LRRD1: variants seen among roughly 807,000 people sequenced by gnomAD.
The protein encoded by LRRD1 is leucine rich repeats and death domain containing 1, also known as leucine-rich repeat and death domain-containing protein 1.
LRRD1 carries 49 observed loss-of-function variants against 69.5 expected under a neutral mutation model. The ratio of observed to expected loss-of-function variants is 0.70; its 90% confidence interval spans 0.56 to 0.89. The LOEUF (loss-of-function observed/expected upper bound fraction) is 0.89, where lower values mean the gene tolerates loss of function less well. LRRD1 is among the 40% of genes least tolerant of loss of function. The probability of loss-of-function intolerance (pLI) is 0.00; values close to 1 mark genes in which losing one functional copy is unlikely to be tolerated. For synonymous variants in LRRD1, 303 were observed against 338.9 expected, an observed-to-expected ratio of 0.89 and a Z score of 1.16; for missense variants, 853 against 956.0, an observed-to-expected ratio of 0.89 and a Z score of 1.42.
Position 92,163,493 on chromosome 7 carries a change from A to G in LRRD1, c.1710T>C (p.Thr570=), listed in dbSNP as rs1281473227. ...VLILCCNKFE[T]FPRELCTLEN... ...CTAAAGTACACAATTCTCTAGGGAA[A>G]GTTTCAAATTTATTACAGCATAAAA... Residue 570 remains threonine, a synonymous_variant, in exon 2 of 6, where the codon ACT becomes ACC. Coordinates refer to ENST00000458448, the MANE Select transcript of LRRD1 (RefSeq NM_001161528.2). The G allele has an allele frequency of 6.5e-7, 1 of 1,527,240 alleles. No homozygotes were observed. Among genetic ancestry groups the G allele is most frequent in the South Asian group, 1.2e-5 (1 of 80,496 alleles). 94.6% of individuals were successfully genotyped at this position (1,527,240 alleles called of 1,614,324 possible).
chr7:92,144,068 GACAGACAAGACA>G (rs1236818976), downstream of LRRD1, among the ~76,000 whole-genome samples: 1 of 152,266 alleles, frequency 6.6e-6, no homozygotes, highest in East Asian at 1.9e-4. Context: ...AGGCTCACAT[GACAGACAAGACA>G]ACAGATGGCC....
At chr7:92,152,517 T>C (rs1820497068) in intron 3 of LRRD1, among the ~76,000 whole-genome samples, 1 of 152,162 alleles carries the variant, frequency 6.6e-6, no homozygotes, top group Non-Finnish European at 1.5e-5. Flanking sequence ...GTGAGATTGA[T>C]GGTTTGTATG....
At chr7:92,142,420 A>G (rs1318793717), downstream of LRRD1, 1 of 456,594 alleles carries the variant, frequency 2.2e-6, no homozygotes, top group Non-Finnish European at 4.4e-6. Flanking sequence ...AGACTACTAC[A>G]CACTGTGCAT....
intron 3 of LRRD1, among the ~76,000 whole-genome samples, chr7:92,157,606 G>A (rs1788692392): frequency 6.6e-6 from 1 of 150,802 alleles, no homozygotes; most frequent in Non-Finnish European, 1.5e-5. Context: ...GTCTCACTCT[G>A]TCGCCCAGGC....
intron 1 of LRRD1, among the ~76,000 whole-genome samples, chr7:92,177,858 T>C (rs181162935): frequency 1.4e-3 from 209 of 152,280 alleles, no homozygotes; most frequent in African/African-American, 4.8e-3. Context: ...AGAAAGGGTG[T>C]TATTCTTTAA....
chr7:92,163,620 T>G lies in LRRD1; in HGVS notation c.1583A>C (p.His528Pro). 6.6e-7 allele frequency: 1 copy of G among 1,518,242 alleles called. No homozygotes were observed. Among genetic ancestry groups the G allele is most frequent in the Non-Finnish European group, 8.8e-7 (1 of 1,136,690 alleles). 94.0% of individuals were successfully genotyped at this position (1,518,242 alleles called of 1,614,324 possible). Residue 528 changes from histidine to proline, a missense_variant, in exon 2 of 6, where the codon CAC becomes CCC. His to Pro is a moderately conservative substitution (Grantham distance 77). Transcript: ENST00000458448. ...SENKLLIFSEHFCSLINLKYL... is the reference protein window; with the variant it reads ...SENKLLIFSEPFCSLINLKYL... ...TTTAAGATTAATAAGAGAACAAAAG[T>G]GCTCAGAAAATATGAGGAGTTTGTT...
intron 3 of LRRD1, among the ~76,000 whole-genome samples, chr7:92,155,099 T>C (rs148894754): frequency 1.3e-5 from 2 of 152,342 alleles, no homozygotes; most frequent in East Asian, 1.9e-4. Context: ...TATGATTCTT[T>C]TCTTTCCAAG....
chr7:92,171,154 A>T (rs1443708424), intron 1 of LRRD1, among the ~76,000 whole-genome samples: 1 of 152,148 alleles, frequency 6.6e-6, no homozygotes, highest in African/African-American at 2.4e-5. Flanking sequence ...GAACAAACCA[A>T]ATTAAAATTA....
At chr7:92,158,395 G>GTGTATATATGTGTATATA (rs995954911) in intron 3 of LRRD1, among the ~76,000 whole-genome samples, 1 of 149,092 alleles carries the variant, frequency 6.7e-6, no homozygotes, top group Non-Finnish European at 1.5e-5. Context: ...AAATATATAT[G>GTGTATATATGTGTATATA]TGTATATATG....
At chr7:92,175,115 C>T (rs1253939335) in intron 1 of LRRD1, among the ~76,000 whole-genome samples, 1 of 151,972 alleles carries the variant, frequency 6.6e-6, no homozygotes, top group Non-Finnish European at 1.5e-5. Context: ...AATGTGTGTC[C>T]ATATTATCTC....
chr7:92,152,570 C>T (rs1430513715), intron 3 of LRRD1, among the ~76,000 whole-genome samples: 1 of 151,990 alleles, frequency 6.6e-6, no homozygotes, highest in Non-Finnish European at 1.5e-5. Context: ...CCAAACTTTT[C>T]TAAAGGGTTG....
At chr7:92,147,923 T>C (rs1820369042) in intron 4 of LRRD1, among the ~76,000 whole-genome samples, 1 of 152,060 alleles carries the variant, frequency 6.6e-6, no homozygotes, top group African/African-American at 2.4e-5. Flanking sequence ...TTTTTATTTA[T>C]TTACTTATTT....
rs996296470 is a variant in LRRD1, at chr7:92,150,672, T to C, written c.2140A>G (p.Ser714Gly). ...AGTGAAAAAATATTGTAGATAGCAC[T>C]AGGTAGAGCTGTCAGATTATTTCCT... ...LSGNNLTALP[S>G]AIYNIFSLKE... Residue 714 changes from serine to glycine, a missense_variant, in exon 4 of 6, where the codon AGT becomes GGT. Coordinates refer to ENST00000458448, the MANE Select transcript of LRRD1 (RefSeq NM_001161528.2). The C allele has an allele frequency of 1.3e-6, 2 of 1,542,224 alleles. No homozygotes were observed. Among genetic ancestry groups the C allele is most frequent in the African/African-American group, 1.4e-5 (1 of 72,626 alleles).
At chr7:92,170,888 CAAGAGGAACCTTG>C (rs1789043373) in intron 1 of LRRD1, among the ~76,000 whole-genome samples, 1 of 152,216 alleles carries the variant, frequency 6.6e-6, no homozygotes, top group East Asian at 1.9e-4. Context: ...AAATCAATAT[CAAGAGGAACCTTG>C]GAAATTACAC....
rs117955166 is a variant in LRRD1, at chr7:92,169,833, G to C, written c.-74-4557C>G. ...CTTGTAATCCCAGCACTTTTGGGAG[G>C]TGGAGGCAGGAGGATTGCTTGAGGC... is the stretch of plus-strand genomic sequence containing the variant. On this transcript the variant is annotated intron_variant, in intron 1 of 5. Transcript: ENST00000458448. Among the ~76,000 whole-genome samples the C allele has an allele frequency of 5.7e-3, 871 of 152,050 alleles. 3 individuals carry two copies. The highest frequency in any genetic ancestry group is 8.8e-3 in the Non-Finnish European group (599 of 67,998).
intron 3 of LRRD1, among the ~76,000 whole-genome samples, chr7:92,156,059 C>T (rs1192001002): frequency 6.6e-6 from 1 of 152,214 alleles, no homozygotes; most frequent in East Asian, 1.9e-4. Flanking sequence ...CTCACAGACA[C>T]ATGCAGGAAC....
At chr7:92,142,928 G>C (rs566256735), downstream of LRRD1, 1 of 306,082 alleles carries the variant, frequency 3.3e-6, no homozygotes, top group Non-Finnish European at 6.5e-6. Flanking sequence ...TGCTTCCGCA[G>C]TGTGGAAGGG....
At chr7:92,170,548 C>G (rs1158292373) in intron 1 of LRRD1, among the ~76,000 whole-genome samples, 1 of 152,130 alleles carries the variant, frequency 6.6e-6, no homozygotes. Flanking sequence ...GACTGAAATA[C>G]AATAAAGGCG....
chr7:92,175,419 A>T (rs371990543), intron 1 of LRRD1, among the ~76,000 whole-genome samples: 2 of 152,076 alleles, frequency 1.3e-5, no homozygotes, highest in Non-Finnish European at 2.9e-5. Context: ...AGGCCAGGGC[A>T]GTTGGATCAC....
Sources: allele counts gnomAD v4.1 joint callset (sites outside exome capture counted in the v4.1 genomes callset), GRCh38; gene constraint gnomAD v4.1.1; transcripts MANE v1.5; gene names NCBI Gene and HGNC (gene_info 2026-07-23, HGNC 2026-07-21).